RNF169: variants seen among roughly 807,000 people sequenced by gnomAD.
RNF169 encodes the protein E3 ubiquitin-protein ligase RNF169.
In RNF169, 24 loss-of-function variants were observed where a neutral mutation model predicts 53.9. The ratio of observed to expected loss-of-function variants is 0.45; its 90% CI spans 0.32 to 0.63. The LOEUF (loss-of-function observed/expected upper bound fraction) is 0.63, where lower values mean the gene tolerates loss of function less well. RNF169 is among the 20% of genes least tolerant of loss of function. The pLI is 0.04. For synonymous variants in RNF169, 396 were observed against 363.5 expected, an observed-to-expected ratio of 1.09 and a Z score of -1.02; for missense variants, 883 against 906.2, an observed-to-expected ratio of 0.97 and a Z score of 0.33.
intron 1 of RNF169, among the ~76,000 whole-genome samples, chr11:74,760,251 CAA>C (rs2035059703): frequency 6.6e-6 from 1 of 151,954 alleles, no homozygotes; most frequent in Admixed American, 6.6e-5. Flanking sequence ...TTGATCCTTT[CAA>C]AAAACCAGCT....
chr11:74,780,572 T>C (rs2035403210), intron 1 of RNF169, among the ~76,000 whole-genome samples: 1 of 152,272 alleles, frequency 6.6e-6, no homozygotes, highest in Non-Finnish European at 1.5e-5. Flanking sequence ...GTATGCACGC[T>C]TGCCTTATGA....
rs1033107092 is a variant in RNF169 at position 74,836,994 on chromosome 11, G to A, written c.*264G>A. 36 of 356,452 alleles carry A rather than the reference G, an allele frequency of 1.0e-4. No individual in the cohort carries two copies. Among genetic ancestry groups the A allele is most frequent in the Non-Finnish European group, 1.5e-4 (29 of 195,462 alleles). 22.1% of individuals were successfully genotyped at this position (356,452 alleles called of 1,614,324 possible). A position where few individuals can be genotyped will look rare whatever the true frequency, so the allele number is the denominator to read the frequency against. ...ACCCACTGGGAATGAGATTTGGAAC[G>A]GCCTCAGGAGCATAATGGCCACAGT... On this transcript the variant is annotated 3_prime_UTR_variant, in exon 6 of 6. Coordinates refer to ENST00000299563, the MANE Select transcript of RNF169 (RefSeq NM_001098638.2).
At chr11:74,776,254 C>T (rs775902084) in intron 1 of RNF169, among the ~76,000 whole-genome samples, 1 of 152,046 alleles carries the variant, frequency 6.6e-6, no homozygotes, top group Non-Finnish European at 1.5e-5. Flanking sequence ...TGTTTATGGA[C>T]TTATTTTCCC....
chr11:74,772,471 GGTT>G (rs1260642048), intron 1 of RNF169, among the ~76,000 whole-genome samples: 7 of 56,644 alleles, frequency 1.2e-4, no homozygotes, highest in Admixed American at 5.8e-4. Flanking sequence ...TAGGGATGCT[GGTT>G]TTTTTTTTTT....
At chr11:74,752,835 G>A (rs980284563) in intron 1 of RNF169, among the ~76,000 whole-genome samples, 10 of 152,052 alleles carry the variant, frequency 6.6e-5, no homozygotes, top group Non-Finnish European at 1.5e-4. Flanking sequence ...TGGACATTTT[G>A]ATTGTTTCCT....
At chr11:74,753,965 C>T (rs116840417) in intron 1 of RNF169, among the ~76,000 whole-genome samples, 1 of 152,018 alleles carries the variant, frequency 6.6e-6, no homozygotes, top group Admixed American at 6.6e-5. Flanking sequence ...ATTTGTGAAA[C>T]TGTGTGTGTA....
At chr11:74,832,012 G>A (rs2036186268) in intron 4 of RNF169, 1 of 152,190 alleles carries the variant, frequency 6.6e-6, no homozygotes. Context: ...ATGGATCAGA[G>A]ACCTAAATGT....
chr11:74,819,018 A>C (rs1315782789), intron 4 of RNF169, among the ~76,000 whole-genome samples: 1 of 151,760 alleles, frequency 6.6e-6, no homozygotes, highest in Non-Finnish European at 1.5e-5. Flanking sequence ...TCTTCTTGTA[A>C]ATAGAGTGTA....
intron 4 of RNF169, among the ~76,000 whole-genome samples, chr11:74,827,521 A>T (rs940296888): frequency 6.6e-6 from 1 of 152,218 alleles, no homozygotes; most frequent in African/African-American, 2.4e-5. Context: ...GTCAGACTGG[A>T]AATTTTCCAA....
In RNF169 at chr11:74,836,425, G is replaced by A. The variant is rs747254976; in HGVS notation, c.1822G>A (p.Glu608Lys). The change falls in exon 6 of 6, where the codon GAG becomes AAG. Residue 608 changes from glutamate (E) to lysine (K), a missense_variant. This residue lies in a region of RNF169 where 351 missense variants were observed against 337.3 expected (regional missense o/e 1.04). Coordinates refer to ENST00000299563, the MANE Select transcript of RNF169 (RefSeq NM_001098638.2). ...TGATCTGACTAATGGTGTTCTAGTT[G>A]AGAGCCTAAGTGAAGAGCCACTTCC... Reference protein sequence around the residue: ...HFDLTNGVLVESLSEEPLPSL... With the variant: ...HFDLTNGVLVKSLSEEPLPSL... The A allele has an allele frequency of 8.4e-5, 136 of 1,614,094 alleles. No homozygotes were observed. The highest frequency in any genetic ancestry group is 1.1e-4 in the Non-Finnish European group (131 of 1,180,046).
intron 1 of RNF169, among the ~76,000 whole-genome samples, chr11:74,764,795 A>G (rs529150114): frequency 1.3e-5 from 2 of 152,326 alleles, no homozygotes; most frequent in African/African-American, 4.8e-5. Flanking sequence ...GCAAAGATAA[A>G]ATGTAAGCGG....
intron 1 of RNF169, among the ~76,000 whole-genome samples, chr11:74,760,503 A>G (rs2035064299): frequency 6.6e-6 from 1 of 152,032 alleles, no homozygotes; most frequent in African/African-American, 2.4e-5. Context: ...AGATTCTGGT[A>G]TGTTGTGTCT....
At chr11:74,774,796 A>G (rs2035309229) in intron 1 of RNF169, among the ~76,000 whole-genome samples, 1 of 151,940 alleles carries the variant, frequency 6.6e-6, no homozygotes, top group Non-Finnish European at 1.5e-5. Context: ...CTCTACTAAA[A>G]AATACAAACA....
chr11:74,766,089 A>G (rs2035170210), intron 1 of RNF169, among the ~76,000 whole-genome samples: 1 of 152,180 alleles, frequency 6.6e-6, no homozygotes, highest in East Asian at 1.9e-4. Flanking sequence ...GAAGATTTAA[A>G]AAAACCTATA....
intron 1 of RNF169, among the ~76,000 whole-genome samples, chr11:74,756,497 C>A (rs951536768): frequency 1.3e-5 from 2 of 152,088 alleles, no homozygotes; most frequent in Non-Finnish European, 2.9e-5. Flanking sequence ...TGAATTATTA[C>A]AATGCTTGGT....
chr11:74,837,852 C>T lies in RNF169; in HGVS notation c.*1122C>T, dbSNP rs1338079490. 1 of 152,162 alleles carries T rather than the reference C, an allele frequency of 6.6e-6. No homozygotes were observed. The highest frequency in any genetic ancestry group is 1.5e-5 in the Non-Finnish European group (1 of 68,022). 9.4% of individuals were successfully genotyped at this position (152,162 alleles called of 1,614,324 possible). A position where few individuals can be genotyped will look rare whatever the true frequency, so the allele number is the denominator to read the frequency against. On this transcript the variant is annotated 3_prime_UTR_variant, in exon 6 of 6. Transcript: ENST00000299563. ...GGTTTATTTTCCTTAGCAGCTGACACCATGTGTCTTTTGCATCCCTGGTGG... is the reference window on the plus strand; with the variant it reads ...GGTTTATTTTCCTTAGCAGCTGACATCATGTGTCTTTTGCATCCCTGGTGG...
chr11:74,821,333 T>C (rs2036006348), intron 4 of RNF169, among the ~76,000 whole-genome samples: 1 of 152,210 alleles, frequency 6.6e-6, no homozygotes, highest in Non-Finnish European at 1.5e-5. Flanking sequence ...AATAGAGCTA[T>C]GGAAACAAGT....
At chr11:74,831,120 T>C (rs1443740893) in intron 4 of RNF169, 1 of 152,222 alleles carries the variant, frequency 6.6e-6, no homozygotes, top group Non-Finnish European at 1.5e-5. Context: ...TTGCCACTTC[T>C]GTTCAACATT....
At chr11:74,811,141 A>G (rs1447605791) in intron 3 of RNF169, among the ~76,000 whole-genome samples, 1 of 152,176 alleles carries the variant, frequency 6.6e-6, no homozygotes, top group Non-Finnish European at 1.5e-5. Context: ...GGCAAAAAAA[A>G]AAATCTCTGG....
Sources: allele counts gnomAD v4.1 joint callset (sites outside exome capture counted in the v4.1 genomes callset), GRCh38; gene constraint gnomAD v4.1.1; regional missense constraint gnomAD v4.1.1; transcripts MANE v1.5; gene names NCBI Gene and HGNC (gene_info 2026-07-23, HGNC 2026-07-21).